Variants in GGA1 observed in about 807,000 individuals in gnomAD.
The protein encoded by GGA1 is golgi associated, gamma adaptin ear containing, ARF binding protein 1.
A neutral mutation model predicts 76.9 loss-of-function variants in GGA1; 18 were observed. The ratio of observed to expected loss-of-function variants is 0.23; its 90% CI spans 0.16 to 0.35. The LOEUF (loss-of-function observed/expected upper bound fraction) is 0.35. Among genes scored for constraint, GGA1 ranks in the 10% least tolerant of loss-of-function variants. GGA1 has a pLI of 1.00. For missense variants in GGA1, 755 were observed against 859.0 expected, an observed-to-expected ratio of 0.88 and a Z score of 1.51; for synonymous variants, 342 against 354.7, an observed-to-expected ratio of 0.96 and a Z score of 0.40.
At chr22:37,618,590 G>T in intron 4 of GGA1, 44 bp downstream of exon 4, 1 of 1,230,550 alleles carries the variant, frequency 8.1e-7, no homozygotes, top group Non-Finnish European at 1.2e-6. Flanking sequence ...TGTCGGATGT[G>T]GGGAGAGGAA....
At position 37,608,895 on chromosome 22, in the gene GGA1, C is replaced by T; in HGVS notation, c.35C>T (p.Ala12Val). 1 of 1,314,188 alleles carries T rather than the reference C, an allele frequency of 7.6e-7. No individual in the cohort carries two copies. 81.4% of individuals were successfully genotyped at this position (1,314,188 alleles called of 1,614,324 possible). The change falls in exon 1 of 17, where the codon GCG (alanine) becomes GTG (valine). Residue 12 changes from alanine to valine, a missense_variant. Ala to Val is a moderately conservative substitution (Grantham distance 64). Transcript: ENST00000343632. Reference sequence around the variant, plus strand: ...GCGATGGAGCCGGAGACTCTGGAGGCGCGAATCAGTGAGTGTCCGGGAGGG... The same window carrying T: ...GCGATGGAGCCGGAGACTCTGGAGGTGCGAATCAGTGAGTGTCCGGGAGGG... ...EPAMEPETLEARINRATNPLN... is the reference protein window; with the variant it reads ...EPAMEPETLEVRINRATNPLN...
intron 4 of GGA1, 98 bp from the exon 5 acceptor site, chr22:37,620,140 C>G: frequency 1.4e-6 from 2 of 1,403,744 alleles, no homozygotes; most frequent in South Asian, 2.4e-5. Context: ...GAGGGCTTCC[C>G]GGGGAGTCCT....
chr22:37,618,122 CAAAAA>C (rs35958963), intron 3 of GGA1: 20 of 93,956 alleles, frequency 2.1e-4, no homozygotes, highest in East Asian at 4.8e-4. Flanking sequence ...AACTCTGTCT[CAAAAA>C]AAAAAAAAAA....
chr22:37,628,552 G>T (rs1249775105), intron 11 of GGA1, among the ~76,000 whole-genome samples: 1 of 152,194 alleles, frequency 6.6e-6, no homozygotes, highest in African/African-American at 2.4e-5. Context: ...AAAGAGGGCT[G>T]AGAAGCTCAC....
chr22:37,627,873 A>C (rs1431635613), intron 11 of GGA1, among the ~76,000 whole-genome samples: 1 of 152,222 alleles, frequency 6.6e-6, no homozygotes, highest in South Asian at 2.1e-4. Flanking sequence ...GGTGGGAGAC[A>C]GGTTCCTGTC....
In GGA1 at chr22:37,623,305, C is replaced by T. The variant is rs750559506; in HGVS notation, c.610-22C>T. On this transcript the variant is annotated intron_variant, in intron 7 of 16. Transcript: ENST00000343632. The surrounding 1 kb of genome is among the most constrained non-coding windows in gnomAD (Gnocchi z 4.6). Reference sequence around the variant, plus strand: ...CGTCCAGGCCAAAGGTTCTCAGGGGCCCTTGGCCAATGTGTCCCCAGGACC... The same window carrying T: ...CGTCCAGGCCAAAGGTTCTCAGGGGTCCTTGGCCAATGTGTCCCCAGGACC... 1.9e-6 allele frequency: 3 copies of T among 1,612,736 alleles called. No homozygotes were observed. The highest frequency in any genetic ancestry group is 2.2e-5 in the East Asian group (1 of 44,864).
intron 1 of GGA1, among the ~76,000 whole-genome samples, chr22:37,609,601 A>G (rs530247303): frequency 2.0e-5 from 3 of 152,168 alleles, no homozygotes; most frequent in Admixed American, 1.3e-4. Context: ...AAAGGCTTCT[A>G]CACCCCTTTT....
At chr22:37,609,908 C>T (rs1235004210) in intron 1 of GGA1, among the ~76,000 whole-genome samples, 1 of 152,214 alleles carries the variant, frequency 6.6e-6, no homozygotes, top group East Asian at 1.9e-4. Flanking sequence ...CCTTTTAAGC[C>T]AGGCTTGAGC....
At chr22:37,619,856 A>G in intron 4 of GGA1, 1 of 773,030 alleles carries the variant, frequency 1.3e-6, no homozygotes, top group East Asian at 2.4e-5. Flanking sequence ...GGAGACGGAG[A>G]GTAGGCCCAG....
chr22:37,615,137 C>T (rs1928516531), intron 2 of GGA1, among the ~76,000 whole-genome samples: 1 of 151,224 alleles, frequency 6.6e-6, no homozygotes, highest in Admixed American at 6.6e-5. Flanking sequence ...CATAGCGAGA[C>T]ATCATCTCTT....
At chr22:37,614,094 C>A in intron 1 of GGA1, 96 bp from the exon 2 acceptor site, 1 of 844,046 alleles carries the variant, frequency 1.2e-6, no homozygotes, top group Non-Finnish European at 2.1e-6. Flanking sequence ...CAGTCACACT[C>A]CTCTCCCACT....
intron 2 of GGA1, among the ~76,000 whole-genome samples, chr22:37,615,570 C>A (rs1378737728): frequency 1.3e-5 from 2 of 151,804 alleles, no homozygotes; most frequent in African/African-American, 2.4e-5. Flanking sequence ...TTGAGACCAT[C>A]CTGGCCAACA....
rs1169024669 is a variant in GGA1 at position 37,624,981 on chromosome 22, A to G, written c.845A>G (p.Gln282Arg). The change falls in exon 10 of 17, where the codon CAG becomes CGG. Residue 282 changes from glutamine to arginine, a missense_variant. Transcript: ENST00000343632. The surrounding 1 kb of genome is among the most constrained non-coding windows in gnomAD (Gnocchi z 4.3). ...DNDEALAEIL[Q>R]ANDNLTQVIN... ...CTGCCTGTTCCAGCGGAGATCCTGCAGGCCAATGACAACCTCACCCAGGTG... is the reference window on the plus strand; with the variant it reads ...CTGCCTGTTCCAGCGGAGATCCTGCGGGCCAATGACAACCTCACCCAGGTG... The G allele has an allele frequency of 4.4e-6, 7 of 1,589,872 alleles. No homozygotes were observed. The highest frequency in any genetic ancestry group is 1.8e-5 in the Admixed American group (1 of 56,652).
At chr22:37,617,677 C>CTGTT (rs553320254) in intron 3 of GGA1, 19 of 620,166 alleles carry the variant, frequency 3.1e-5, no homozygotes, top group Non-Finnish European at 3.6e-5. Context: ...CCAGACTGGA[C>CTGTT]AACAGAGTGA....
rs1274183745 is a variant in GGA1 at position 37,623,915 on chromosome 22, G to A, written c.832+282G>A. 2.4e-6 allele frequency: 1 copy of A among 413,352 alleles called. No homozygotes were observed. The highest frequency in any genetic ancestry group is 2.0e-5 in the African/African-American group (1 of 49,416). The allele number at this position is 413,352 out of a possible 1,614,324, so 25.6% of individuals were successfully genotyped here. On this transcript the variant is annotated intron_variant, in intron 9 of 16. Coordinates refer to ENST00000343632, the MANE Select transcript of GGA1 (RefSeq NM_013365.5). This position sits in a 1 kb window ranked among gnomAD's most constrained non-coding sequence, Gnocchi z 4.6. ...TCCCCTTTTCACAACTGGGGCTAAG[G>A]GAGGAAAATGACTTGCCCAGATCAC...
rs1211690441 is a variant in GGA1, at chr22:37,632,227, G to A, written c.1698+62G>A. The stretch of plus-strand genomic sequence containing the variant: ...CTCAAGGCAGGGTGACATGGAGCTG[G>A]GTGGGGAGCCACCTGTCAGGGGGCA... On this transcript the variant is annotated intron_variant, in intron 15 of 16. Coordinates refer to ENST00000343632, the MANE Select transcript of GGA1 (RefSeq NM_013365.5). The surrounding 1 kb of genome is among the most constrained non-coding windows in gnomAD (Gnocchi z 5.1). 2.6e-6 allele frequency: 4 copies of A among 1,528,378 alleles called. No homozygotes were observed. The highest frequency in any genetic ancestry group is 3.6e-6 in the Non-Finnish European group (4 of 1,113,868). 94.7% of individuals were successfully genotyped at this position (1,528,378 alleles called of 1,614,324 possible).
In GGA1 at chr22:37,617,029, C is replaced by T. The variant is rs750719694; in HGVS notation, c.204+32C>T. The T allele has an allele frequency of 7.6e-6, 12 of 1,574,628 alleles. No individual in the cohort carries two copies. In the South Asian group the frequency reaches 1.0e-4, roughly 14 times the overall value. On this transcript the variant is annotated intron_variant, in intron 3 of 16. Coordinates refer to ENST00000343632, the MANE Select transcript of GGA1 (RefSeq NM_013365.5). The stretch of plus-strand genomic sequence containing the variant: ...AGGGGAGAGGCCACCATCCGTCCCC[C>T]GCCATGTGACGACACCAAGGGAGGC...
intron 1 of GGA1, among the ~76,000 whole-genome samples, chr22:37,609,750 C>T (rs1298580236): frequency 3.3e-5 from 5 of 152,186 alleles, no homozygotes; most frequent in African/African-American, 9.6e-5. Flanking sequence ...CTCTGAAAGC[C>T]GTGGCTGGCT....
intron 4 of GGA1, among the ~76,000 whole-genome samples, 184 bp downstream of exon 4, chr22:37,618,730 TG>T (rs1293344500): frequency 6.6e-6 from 1 of 152,112 alleles, no homozygotes; most frequent in Non-Finnish European, 1.5e-5. Flanking sequence ...TACCTGATTC[TG>T]GGACAGCCTG....
Sources: allele counts gnomAD v4.1 joint callset (sites outside exome capture counted in the v4.1 genomes callset), GRCh38; gene constraint gnomAD v4.1.1; non-coding constraint Gnocchi (gnomAD v3.1); transcripts MANE v1.5; gene names NCBI Gene and HGNC (gene_info 2026-07-23, HGNC 2026-07-21).